The following ARID3A variants were observed in gnomAD, a reference collection of about 807,000 sequenced individuals.
ARID3A encodes the protein AT-rich interaction domain 3A.
ARID3A carries 11 observed loss-of-function variants against 52.7 expected under a neutral mutation model. The ratio of observed to expected loss-of-function variants is 0.21; its 90% CI spans 0.13 to 0.35. ARID3A has a LOEUF of 0.35. ARID3A is among the 10% of genes least tolerant of loss of function. The pLI, the probability that ARID3A is intolerant of heterozygous loss-of-function variation, is 1.00. For synonymous variants in ARID3A, 404 were observed against 359.4 expected (o/e 1.12, Z -1.40); for missense variants, 721 against 838.5 (o/e 0.86, Z 1.73).
At chr19:951,815 T>C (rs1421512649) in intron 3 of ARID3A, among the ~76,000 whole-genome samples, 1 of 152,138 alleles carries the variant, frequency 6.6e-6, no homozygotes, top group African/African-American at 2.4e-5. Context: ...AGAAGCCATA[T>C]TGGACAGTGC....
Position 938,583 on chromosome 19 carries a change from G to T in ARID3A, c.693+5841G>T, listed in dbSNP as rs148553619. 1.3e-5 allele frequency among the ~76,000 whole-genome samples: 2 copies of T among 152,238 alleles called. No homozygotes were observed. Among genetic ancestry groups the T allele is most frequent in the African/African-American group, 4.8e-5 (2 of 41,470 alleles). ...GGTGGGACGGTTTTGGGGAAGCTCA[G>T]CTGCCCCTCCGTTTTTCTTTTTGTC... On this transcript the variant is annotated intron_variant, in intron 3 of 8. Coordinates refer to ENST00000263620, the MANE Select transcript of ARID3A (RefSeq NM_005224.3). The surrounding 1 kb of genome is among the most constrained non-coding windows in gnomAD (Gnocchi z 4.0).
chr19:932,667 A>C lies in ARID3A; in HGVS notation c.618A>C (p.Gly206=). ...CGGGGCCTGGCCCTGCCCACCCCGG[A>C]GGGGCCGCCCACGTAGCCCCGCAGC... ...ERPGPGPAHP[G]GAAHVAPQLQ... Residue 206 remains glycine, a synonymous_variant, in exon 3 of 9, where the codon GGA becomes GGC. Transcript: ENST00000263620. 6.5e-7 allele frequency: 1 copy of C among 1,545,184 alleles called. No individual in the cohort carries two copies. The highest frequency in any genetic ancestry group is 8.7e-7 in the Non-Finnish European group (1 of 1,145,872).
Position 941,808 on chromosome 19 carries a change from TCA to T in ARID3A, c.693+9067_693+9068del, listed in dbSNP as rs1599395207. 6.7e-6 allele frequency among the ~76,000 whole-genome samples: 1 copy of T among 149,348 alleles called. No homozygotes were observed. On this transcript the variant is annotated intron_variant, in intron 3 of 8. Coordinates refer to ENST00000263620, the MANE Select transcript of ARID3A (RefSeq NM_005224.3). This position sits in a 1 kb window ranked among gnomAD's most constrained non-coding sequence, Gnocchi z 6.9. ...GTGTGTGTGTGTGTGTGTGTGTGTG[TCA>T]GGGGTGGCTGCAAGCGTATGTGTGT...
At chr19:940,792 C>T (rs992031697) in intron 3 of ARID3A, among the ~76,000 whole-genome samples, 1 of 152,152 alleles carries the variant, frequency 6.6e-6, no homozygotes, top group Admixed American at 6.5e-5. Flanking sequence ...CCCGGCTGCA[C>T]GTGAGCCGCC....
chr19:955,535 T>C (rs538887943), intron 3 of ARID3A, among the ~76,000 whole-genome samples: 32 of 152,256 alleles, frequency 2.1e-4, no homozygotes, highest in African/African-American at 7.5e-4. Flanking sequence ...TGGCTGTACA[T>C]GGGGCAGCTG....
chr19:959,936 G>T lies in ARID3A; in HGVS notation c.694-156G>T, dbSNP rs2038003817. Among the ~76,000 whole-genome samples the T allele has an allele frequency of 6.6e-6, 1 of 152,136 alleles. No individual in the cohort carries two copies. Among genetic ancestry groups the T allele is most frequent in the Admixed American group, 6.5e-5 (1 of 15,276 alleles). On this transcript the variant is annotated intron_variant, in intron 3 of 8. Coordinates refer to ENST00000263620, the MANE Select transcript of ARID3A (RefSeq NM_005224.3). The surrounding 1 kb of genome is among the most constrained non-coding windows in gnomAD (Gnocchi z 5.0). ...CTTGCAGCCTTGTGGTTCTTCACCT[G>T]CCCAGCGGGGTCTTCGGCTCTGGCA...
At position 929,449 on chromosome 19, in the gene ARID3A, A is replaced by AC; in HGVS notation, c.-80_-79insC. The AC allele has an allele frequency of 1.1e-5, 10 of 905,904 alleles. No individual in the cohort carries two copies. Among genetic ancestry groups the AC allele is most frequent in the South Asian group, 1.8e-5 (1 of 56,258 alleles). The allele number at this position is 905,904 out of a possible 1,614,324, so 56.1% of individuals were successfully genotyped here. ...CAGTGCGGCCGGGCCCCCTCCCCGC[A>AC]GGGGCCGCCCCCGCCGCCCACCCCT... On this transcript the variant is annotated 5_prime_UTR_variant, in exon 2 of 9. Transcript: ENST00000263620. The surrounding 1 kb of genome is among the most constrained non-coding windows in gnomAD (Gnocchi z 6.2).
chr19:929,383 C>G lies in ARID3A; in HGVS notation c.-146C>G. 1 of 702,206 alleles carries G rather than the reference C, an allele frequency of 1.4e-6. No homozygotes were observed. The allele number at this position is 702,206 out of a possible 1,614,324, so 43.5% of individuals were successfully genotyped here. On this transcript the variant is annotated 5_prime_UTR_variant, in exon 2 of 9. Coordinates refer to ENST00000263620, the MANE Select transcript of ARID3A (RefSeq NM_005224.3). The surrounding 1 kb of genome is among the most constrained non-coding windows in gnomAD (Gnocchi z 6.2). ...CGGCGGCCCCCGCCCCCGCCCCCTG[C>G]CACCCTGCACTGCCCCGGCTCCCCC...
At chr19:950,966 G>A (rs1599407170) in intron 3 of ARID3A, among the ~76,000 whole-genome samples, 1 of 152,000 alleles carries the variant, frequency 6.6e-6, no homozygotes, top group East Asian at 2.0e-4. Context: ...GGGGTTACGG[G>A]CATGCACCAC....
chr19:940,741 C>T (rs559777321), intron 3 of ARID3A, among the ~76,000 whole-genome samples: 153 of 152,278 alleles, frequency 1.0e-3, no homozygotes, highest in Non-Finnish European at 2.0e-3. Flanking sequence ...GGCCCTCGGC[C>T]GCCAGCCCTG....
intron 6 of ARID3A, 110 bp downstream of exon 6, chr19:965,190 T>A: frequency 7.7e-7 from 1 of 1,302,124 alleles, no homozygotes; most frequent in South Asian, 1.5e-5. Flanking sequence ...TGAAAAACCC[T>A]ATAGTTGGCA....
Position 944,558 on chromosome 19 carries a change from C to T in ARID3A, c.693+11816C>T, listed in dbSNP as rs1014892378. Among the ~76,000 whole-genome samples, 1 of 152,182 alleles carries T rather than the reference C, an allele frequency of 6.6e-6. No homozygotes were observed. Among genetic ancestry groups the T allele is most frequent in the African/African-American group, 2.4e-5 (1 of 41,450 alleles). On this transcript the variant is annotated intron_variant, in intron 3 of 8. Transcript: ENST00000263620. This position sits in a 1 kb window ranked among gnomAD's most constrained non-coding sequence, Gnocchi z 5.9. ...TCCGGGCAAGTGAGCGTCCCCCACCCAGGACCCCCGACCCCGGCCCTGGGA... is the reference window on the plus strand; with the variant it reads ...TCCGGGCAAGTGAGCGTCCCCCACCTAGGACCCCCGACCCCGGCCCTGGGA...
intron 3 of ARID3A, among the ~76,000 whole-genome samples, chr19:937,172 CAG>C (rs1232965325): frequency 6.6e-6 from 1 of 151,188 alleles, no homozygotes; most frequent in Non-Finnish European, 1.5e-5. Context: ...GAGGTTGAGA[CAG>C]AACCGCTTGA....
chr19:960,178 C>T lies in ARID3A; in HGVS notation c.766+14C>T, dbSNP rs1189895856. 7 of 1,605,954 alleles carry T rather than the reference C, an allele frequency of 4.4e-6. No homozygotes were observed. The highest frequency in any genetic ancestry group is 2.6e-6 in the Non-Finnish European group (3 of 1,174,976). On this transcript the variant is annotated intron_variant, in intron 4 of 8. Coordinates refer to ENST00000263620, the MANE Select transcript of ARID3A (RefSeq NM_005224.3). This position sits in a 1 kb window ranked among gnomAD's most constrained non-coding sequence, Gnocchi z 4.3. ...TGCAGAAGCGAGGTGAGCCCTCTGC[C>T]CCCACCCCGCTGGAGGGAGGTCACA...
intron 7 of ARID3A, among the ~76,000 whole-genome samples, chr19:968,057 AAAG>A (rs1221308144): frequency 7.5e-5 from 11 of 147,428 alleles, no homozygotes; most frequent in East Asian, 2.0e-4. Context: ...AAAAAAAAAA[AAAG>A]AAAGAAACTC....
chr19:944,656 C>T lies in ARID3A; in HGVS notation c.693+11914C>T, dbSNP rs913108129. Among the ~76,000 whole-genome samples the T allele has an allele frequency of 4.6e-5, 7 of 152,144 alleles. No individual in the cohort carries two copies. The highest frequency in any genetic ancestry group is 9.7e-5 in the African/African-American group (4 of 41,424). ...GGGGGTGGATTTTGAGACAGGGTCT[C>T]GTGCTGTCACCCAGGCTGGAGTGCC... is the stretch of plus-strand genomic sequence containing the variant. On this transcript the variant is annotated intron_variant, in intron 3 of 8. Transcript: ENST00000263620. This position sits in a 1 kb window ranked among gnomAD's most constrained non-coding sequence, Gnocchi z 5.9.
chr19:966,350 A>C (rs2038153052), intron 6 of ARID3A, among the ~76,000 whole-genome samples: 1 of 148,604 alleles, frequency 6.7e-6, no homozygotes, highest in African/African-American at 2.5e-5. Context: ...CCCAGCTACT[A>C]GGGAGGCTAA....
At position 960,654 on chromosome 19, in the gene ARID3A, C is replaced by T. The variant is rs1450385209; in HGVS notation, c.766+490C>T. ...GGCCAATGCGACATTTGAGTCCTGG[C>T]CCCTCCCCTCTTCCCACCAGGGCCT... On this transcript the variant is annotated intron_variant, in intron 4 of 8. Transcript: ENST00000263620. The surrounding 1 kb of genome is among the most constrained non-coding windows in gnomAD (Gnocchi z 4.3). 6.6e-6 allele frequency among the ~76,000 whole-genome samples: 1 copy of T among 152,074 alleles called. No homozygotes were observed. Among genetic ancestry groups the T allele is most frequent in the Non-Finnish European group, 1.5e-5 (1 of 68,002 alleles).
At chr19:940,439 G>T (rs1415748638) in intron 3 of ARID3A, among the ~76,000 whole-genome samples, 1 of 152,106 alleles carries the variant, frequency 6.6e-6, no homozygotes, top group Non-Finnish European at 1.5e-5. Context: ...AGGGCACTTG[G>T]CAGGGTTTGG....
Sources: allele counts gnomAD v4.1 joint callset (sites outside exome capture counted in the v4.1 genomes callset), GRCh38; gene constraint gnomAD v4.1.1; non-coding constraint Gnocchi (gnomAD v3.1); transcripts MANE v1.5; gene names NCBI Gene and HGNC (gene_info 2026-07-23, HGNC 2026-07-21).